The following TRIM42 variants were observed in gnomAD, a reference collection of about 807,000 sequenced individuals.
TRIM42 encodes tripartite motif-containing protein 42.
A neutral mutation model predicts 64.9 loss-of-function variants in TRIM42; 59 were observed. That is an observed-to-expected ratio of 0.91 (90% confidence interval 0.74 to 1.13). The LOEUF is 1.13. Ranked by LOEUF, TRIM42 falls within the 50% of genes most tolerant of loss-of-function variation. The pLI is 0.00. For missense variants in TRIM42, 878 were observed against 929.5 expected (o/e 0.94, Z 0.72); for synonymous variants, 354 against 346.3 (o/e 1.02, Z -0.25).
At position 140,688,171 on chromosome 3, in the gene TRIM42, G is replaced by T. The variant is rs918253075; in HGVS notation, c.1489G>T (p.Val497Leu). The T allele has an allele frequency of 1.2e-6, 2 of 1,614,170 alleles. No homozygotes were observed. Among genetic ancestry groups the T allele is most frequent in the East Asian group, 2.2e-5 (1 of 44,884 alleles). The change falls in exon 3 of 5, where the codon GTA becomes TTA. Residue 497 changes from valine (V) to leucine (L), a missense_variant. Val to Leu is a conservative substitution (Grantham distance 32). Coordinates refer to ENST00000286349, the MANE Select transcript of TRIM42 (RefSeq NM_152616.5). ...GCTCTTCCCCACAGGGCCCAAGAAGGTACGCTCCTCAGGGGACTCCCTGCC... is the reference window on the plus strand; with the variant it reads ...GCTCTTCCCCACAGGGCCCAAGAAGTTACGCTCCTCAGGGGACTCCCTGCC... ...HELFPTGPKK[V>L]RSSGDSLPSP...
At chr3:140,692,200 C>T (rs974547425) in intron 4 of TRIM42, among the ~76,000 whole-genome samples, 1 of 152,010 alleles carries the variant, frequency 6.6e-6, no homozygotes, top group Non-Finnish European at 1.5e-5. Flanking sequence ...TCTGGATCTG[C>T]ACCATTTTTG....
chr3:140,680,599 C>G, intron 1 of TRIM42: 1 of 888,340 alleles, frequency 1.1e-6, no homozygotes, highest in Non-Finnish European at 1.3e-6. Flanking sequence ...CCAGGCCTTA[C>G]TTTTTTAAGC....
chr3:140,688,030 G>C lies in TRIM42; in HGVS notation c.1348G>C (p.Val450Leu), dbSNP rs1274506389. The C allele has an allele frequency of 2.5e-6, 4 of 1,614,192 alleles. No homozygotes were observed. The highest frequency in any genetic ancestry group is 3.4e-6 in the Non-Finnish European group (4 of 1,180,028). Residue 450 changes from valine to leucine, a missense_variant, in exon 3 of 5, where the codon GTG (valine) becomes CTG (leucine). Physicochemically the swap from Val to Leu is conservative, Grantham distance 32. Coordinates refer to ENST00000286349, the MANE Select transcript of TRIM42 (RefSeq NM_152616.5). ...ATTCCTGCAGTCAGCCAAGATCCTG[G>C]TGGACCAGATCGAGGACGGCATCCA... ...VAFLQSAKIL[V>L]DQIEDGIQTT...
Position 140,688,549 on chromosome 3 carries a change from A to C in TRIM42, c.1860+7A>C, listed in dbSNP as rs1317407178. The stretch of plus-strand genomic sequence containing the variant: ...GTACCCAAGAGCTGCCAAGGTAAGA[A>C]AGGTTCTGGGCCCAGTGGGGAAGTG... On this transcript the variant is annotated splice_region_variant and intron_variant, in intron 3 of 4. Coordinates refer to ENST00000286349, the MANE Select transcript of TRIM42 (RefSeq NM_152616.5). 1 of 1,598,896 alleles carries C rather than the reference A, an allele frequency of 6.3e-7. No individual in the cohort carries two copies. Among genetic ancestry groups the C allele is most frequent in the Non-Finnish European group, 8.5e-7 (1 of 1,171,966 alleles).
At chr3:140,691,454 C>T (rs950242972) in intron 4 of TRIM42, among the ~76,000 whole-genome samples, 5 of 152,184 alleles carry the variant, frequency 3.3e-5, no homozygotes, top group African/African-American at 1.2e-4. Flanking sequence ...GGAAAATAAA[C>T]ATAATCCCTG....
At chr3:140,699,153 C>A (rs185592548) in intron 4 of TRIM42, among the ~76,000 whole-genome samples, 7 of 152,246 alleles carry the variant, frequency 4.6e-5, no homozygotes, top group Admixed American at 2.0e-4. Flanking sequence ...TTTTCTGATA[C>A]TAAATTCCAC....
intron 1 of TRIM42, among the ~76,000 whole-genome samples, chr3:140,679,745 C>T (rs574636534): frequency 6.6e-6 from 1 of 152,098 alleles, no homozygotes; most frequent in Non-Finnish European, 1.5e-5. Context: ...AGCAACTGAA[C>T]CTCTGAGCCC....
In TRIM42 at chr3:140,691,162, T is replaced by C. The variant is rs776381755; in HGVS notation, c.2055T>C (p.Asn685=). The C allele has an allele frequency of 6.2e-7, 1 of 1,614,160 alleles. No homozygotes were observed. Among genetic ancestry groups the C allele is most frequent in the Non-Finnish European group, 8.5e-7 (1 of 1,179,988 alleles). The change falls in exon 4 of 5, where the codon AAT becomes AAC. Residue 685 remains asparagine (N), a synonymous_variant. Transcript: ENST00000286349. ...YVFKVRAIND[N]GPGQWSDICK... is the part of the protein sequence containing the mutation. ...TTAAAGTTAGAGCCATCAATGATAA[T>C]GGTCCTGGGCAATGGAGTGATATCT... is the stretch of plus-strand genomic sequence containing the variant.
In TRIM42 at chr3:140,688,280, A is replaced by C; in HGVS notation, c.1598A>C (p.Tyr533Ser). The stretch of plus-strand genomic sequence containing the variant: ...CACAGCCTCGGCAACCAGCACATAT[A>C]CCAGCGAAGCTCCTCCATGTTGTCC... Reference protein sequence around the residue: ...STHSLGNQHIYQRSSSMLSFS... With the variant: ...STHSLGNQHISQRSSSMLSFS... The change falls in exon 3 of 5, where the codon TAC becomes TCC. Residue 533 changes from tyrosine to serine, a missense_variant. Transcript: ENST00000286349. 1.2e-6 allele frequency: 2 copies of C among 1,614,184 alleles called. No homozygotes were observed. The highest frequency in any genetic ancestry group is 1.7e-6 in the Non-Finnish European group (2 of 1,180,028).
rs369004181 is a variant in TRIM42, at chr3:140,687,833, G to A, written c.1151G>A (p.Arg384His). Reference sequence around the variant, plus strand: ...ATCAGAAATGGCTTTCTCAAGTTGCGCAGCATTCTTCAGGAGAAAGAGAAG... The same window carrying A: ...ATCAGAAATGGCTTTCTCAAGTTGCACAGCATTCTTCAGGAGAAAGAGAAG... ...KEIRNGFLKL[R>H]SILQEKEKII... is the part of the protein sequence containing the mutation. The change falls in exon 3 of 5, where the codon CGC becomes CAC. Residue 384 changes from arginine (R) to histidine (H), a missense_variant. Coordinates refer to ENST00000286349, the MANE Select transcript of TRIM42 (RefSeq NM_152616.5). 52 of 1,614,180 alleles carry A rather than the reference G, an allele frequency of 3.2e-5. No homozygotes were observed. Among genetic ancestry groups the A allele is most frequent in the East Asian group, 4.5e-5 (2 of 44,884 alleles).
At chr3:140,697,675 T>C (rs890877939) in intron 4 of TRIM42, among the ~76,000 whole-genome samples, 3 of 152,052 alleles carry the variant, frequency 2.0e-5, no homozygotes, top group Non-Finnish European at 4.4e-5. Flanking sequence ...TTTTGTTTAT[T>C]TGTTTGTTTA....
rs762272882 is a variant in TRIM42 at position 140,678,503 on chromosome 3, G to A, written c.274G>A (p.Glu92Lys). ...ASSNLNCYYYESRCCRNTIIT... is the reference protein window; with the variant it reads ...ASSNLNCYYYKSRCCRNTIIT... ...CAGCAATCTCAACTGCTACTACTAT[G>A]AGAGCCGCTGCTGCCGCAATACCAT... Residue 92 changes from glutamate (E) to lysine (K), a missense_variant, in exon 1 of 5, where the codon GAG (glutamate) becomes AAG (lysine). Transcript: ENST00000286349. 39 of 1,614,132 alleles carry A rather than the reference G, an allele frequency of 2.4e-5. No individual in the cohort carries two copies. The highest frequency in any genetic ancestry group is 3.3e-5 in the South Asian group (3 of 91,070).
chr3:140,682,696 C>A lies in TRIM42; in HGVS notation c.576C>A (p.Asp192Glu), dbSNP rs767596667. ...NFFILICPVC[D>E]RSHCMPYSNK... ...TCATCCTCATCTGCCCAGTGTGCGACCGCTCGCACTGCATGCCCTACAGCA... is the reference window on the plus strand; with the variant it reads ...TCATCCTCATCTGCCCAGTGTGCGAACGCTCGCACTGCATGCCCTACAGCA... Residue 192 changes from aspartate (D) to glutamate (E), a missense_variant, in exon 2 of 5, where the codon GAC (aspartate) becomes GAA (glutamate). Coordinates refer to ENST00000286349, the MANE Select transcript of TRIM42 (RefSeq NM_152616.5). 4.3e-6 allele frequency: 7 copies of A among 1,612,848 alleles called. No homozygotes were observed. Among genetic ancestry groups the A allele is most frequent in the Non-Finnish European group, 5.9e-6 (7 of 1,180,028 alleles).
intron 2 of TRIM42, among the ~76,000 whole-genome samples, chr3:140,684,693 G>C (rs1228587836): frequency 6.6e-6 from 1 of 152,166 alleles, no homozygotes; most frequent in African/African-American, 2.4e-5. Context: ...CACCACCAGG[G>C]AAGACTTCAT....
At chr3:140,692,530 TACACAC>T (rs1553763786) in intron 4 of TRIM42, among the ~76,000 whole-genome samples, 25 of 108,516 alleles carry the variant, frequency 2.3e-4, no homozygotes, top group South Asian at 2.1e-3. Context: ...CACATACACA[TACACAC>T]ACACACACAC....
intron 1 of TRIM42, chr3:140,680,684 G>A: frequency 1.0e-6 from 1 of 985,384 alleles, no homozygotes; most frequent in African/African-American, 1.7e-5. Context: ...ACCCATGCAG[G>A]AATCTGGGAA....
chr3:140,697,529 T>C (rs1386144657), intron 4 of TRIM42, among the ~76,000 whole-genome samples: 1 of 152,250 alleles, frequency 6.6e-6, no homozygotes, highest in Non-Finnish European at 1.5e-5. Context: ...GTATCAAATG[T>C]ATGTATGTAC....
intron 3 of TRIM42, 26 bp from the exon 4 acceptor site, chr3:140,690,942 C>T (rs779182917): frequency 4.6e-6 from 7 of 1,518,758 alleles, no homozygotes; most frequent in African/African-American, 2.7e-5. Context: ...ACTAGTACCA[C>T]ACCAGTATGT....
chr3:140,688,661 T>C (rs534086476), intron 3 of TRIM42, 119 bp downstream of exon 3: 7 of 763,622 alleles, frequency 9.2e-6, no homozygotes, highest in African/African-American at 1.7e-5. Flanking sequence ...CACTCATATC[T>C]GCTCCTCTAG....
Sources: allele counts gnomAD v4.1 joint callset (sites outside exome capture counted in the v4.1 genomes callset), GRCh38; gene constraint gnomAD v4.1.1; transcripts MANE v1.5; gene names NCBI Gene and HGNC (gene_info 2026-07-23, HGNC 2026-07-21).